CD38: variants seen among roughly 807,000 people sequenced by gnomAD.
CD38 encodes ADP-ribosyl cyclase/cyclic ADP-ribose hydrolase 1.
CD38 carries 31 observed loss-of-function variants against 36.3 expected under a neutral mutation model. That is an observed-to-expected ratio of 0.85 (90% CI 0.64 to 1.15). The LOEUF (loss-of-function observed/expected upper bound fraction) is 1.15. Ranked by LOEUF, CD38 falls within the 50% of genes most tolerant of loss-of-function variation. CD38 has a pLI of 0.00. For missense variants in CD38, 380 were observed against 371.9 expected (o/e 1.02, Z -0.18); for synonymous variants, 131 against 135.2 (o/e 0.97, Z 0.22).
chr4:15,804,945 T>A (rs1723310027), intron 1 of CD38, among the ~76,000 whole-genome samples: 1 of 152,176 alleles, frequency 6.6e-6, no homozygotes, highest in Non-Finnish European at 1.5e-5. Flanking sequence ...AAAGAAATGA[T>A]AAACCTTTGA....
intron 4 of CD38, among the ~76,000 whole-genome samples, chr4:15,835,559 G>A (rs976857849): frequency 2.0e-5 from 3 of 151,706 alleles, no homozygotes; most frequent in Non-Finnish European, 4.4e-5. Context: ...TGTATTTTCA[G>A]TAGAGACGGA....
intron 5 of CD38, among the ~76,000 whole-genome samples, chr4:15,839,595 T>C (rs1724157134): frequency 6.6e-6 from 1 of 151,716 alleles, no homozygotes; most frequent in South Asian, 2.1e-4. Context: ...AGCTAATTTT[T>C]TGTATTTTTA....
intron 1 of CD38, among the ~76,000 whole-genome samples, chr4:15,806,625 T>G (rs920068755): frequency 1.3e-5 from 2 of 152,066 alleles, no homozygotes; most frequent in African/African-American, 2.4e-5. Context: ...TCAATCCACC[T>G]TGGGTAGGTC....
At position 15,778,559 on chromosome 4, in the gene CD38, C is replaced by A. The variant is rs77549972; in HGVS notation, c.145C>A (p.Gln49Lys). 2 of 1,613,416 alleles carry A rather than the reference C, an allele frequency of 1.2e-6. No individual in the cohort carries two copies. Residue 49 changes from glutamine to lysine, a missense_variant, in exon 1 of 8, where the codon CAG (glutamine) becomes AAG (lysine). Coordinates refer to ENST00000226279, the MANE Select transcript of CD38 (RefSeq NM_001775.4). This position sits in a 1 kb window ranked among gnomAD's most constrained non-coding sequence, Gnocchi z 4.9. ...LAVVVPRWRQ[Q>K]WSGPGTTKRF... The stretch of plus-strand genomic sequence containing the variant: ...GGTGGTCGTCCCGAGGTGGCGCCAG[C>A]AGTGGAGCGGTCCGGGCACCACCAA...
chr4:15,805,956 C>G (rs1183463789), intron 1 of CD38, among the ~76,000 whole-genome samples: 3 of 152,168 alleles, frequency 2.0e-5, no homozygotes, highest in Non-Finnish European at 2.9e-5. Flanking sequence ...CCTGCAAGAT[C>G]TGAGTGCTTT....
At chr4:15,838,685 A>G (rs895735474) in intron 5 of CD38, among the ~76,000 whole-genome samples, 1 of 152,158 alleles carries the variant, frequency 6.6e-6, no homozygotes, top group Non-Finnish European at 1.5e-5. Flanking sequence ...TTTTGCAGAC[A>G]TTGTCAACAA....
chr4:15,785,829 C>A (rs1014362537), intron 1 of CD38, among the ~76,000 whole-genome samples: 5 of 152,152 alleles, frequency 3.3e-5, no homozygotes, highest in African/African-American at 1.2e-4. Context: ...TGTGGACCCT[C>A]GTGGTGAGTG....
chr4:15,797,520 T>C (rs1723127782), intron 1 of CD38, among the ~76,000 whole-genome samples: 1 of 152,242 alleles, frequency 6.6e-6, no homozygotes, highest in Admixed American at 6.5e-5. Flanking sequence ...GTGGCAGGTA[T>C]GCCATCTTCA....
intron 2 of CD38, among the ~76,000 whole-genome samples, chr4:15,820,825 A>G (rs1723715991): frequency 6.6e-6 from 1 of 152,214 alleles, no homozygotes; most frequent in South Asian, 2.1e-4. Context: ...AACTCAGCTC[A>G]GGATCAAGTG....
chr4:15,813,702 G>T (rs528284523), intron 1 of CD38, among the ~76,000 whole-genome samples: 1 of 152,064 alleles, frequency 6.6e-6, no homozygotes, highest in Non-Finnish European at 1.5e-5. Flanking sequence ...CGTGGTGTCT[G>T]GTTTTCTGTT....
At chr4:15,828,294 G>A (rs1723891374) in intron 3 of CD38, among the ~76,000 whole-genome samples, 1 of 152,174 alleles carries the variant, frequency 6.6e-6, no homozygotes, top group Non-Finnish European at 1.5e-5. Flanking sequence ...GGGATTACAG[G>A]TGTGAGCCAC....
At chr4:15,842,368 A>G (rs1194881649) in intron 7 of CD38, among the ~76,000 whole-genome samples, 2 of 112,738 alleles carry the variant, frequency 1.8e-5, no homozygotes, top group Non-Finnish European at 3.6e-5. Context: ...TAGAAGGAAA[A>G]CTAACAACCA....
At chr4:15,789,687 C>T (rs187130076) in intron 1 of CD38, among the ~76,000 whole-genome samples, 90 of 152,022 alleles carry the variant, frequency 5.9e-4, no homozygotes, top group Admixed American at 3.1e-3. Flanking sequence ...CTGATTAATA[C>T]GCTAATGGGT....
intron 1 of CD38, among the ~76,000 whole-genome samples, chr4:15,784,466 G>A (rs1326298167): frequency 6.6e-6 from 1 of 152,138 alleles, no homozygotes; most frequent in African/African-American, 2.4e-5. Flanking sequence ...AAAGGTTTGG[G>A]GATCTTGGGG....
In CD38 at chr4:15,838,214, C is replaced by G. The variant is rs751660224; in HGVS notation, c.659+49C>G. ...TTTGCAAGTATCCTGTTGCAAATAT[C>G]ACAGTGAATATTTCATCTCTAGAAA... On this transcript the variant is annotated intron_variant, in intron 5 of 7. Coordinates refer to ENST00000226279, the MANE Select transcript of CD38 (RefSeq NM_001775.4). 12 of 1,270,500 alleles carry G rather than the reference C, an allele frequency of 9.4e-6. No individual in the cohort carries two copies. In the East Asian group the frequency reaches 2.8e-4, roughly 29 times the overall value. The allele number at this position is 1,270,500 out of a possible 1,614,324, so 78.7% of individuals were successfully genotyped here. A position where few individuals can be genotyped will look rare whatever the true frequency, so the allele number is the denominator to read the frequency against.
At chr4:15,839,415 C>CTTTTTTTT (rs560134404) in intron 5 of CD38, among the ~76,000 whole-genome samples, 5 of 88,070 alleles carry the variant, frequency 5.7e-5, no homozygotes, top group African/African-American at 5.0e-5. Flanking sequence ...TTCTACATTT[C>CTTTTTTTT]TTTTTTTTTT....
Position 15,778,599 on chromosome 4 carries a change from C to T in CD38, c.185C>T (p.Thr62Ile), listed in dbSNP as rs200465374. The change falls in exon 1 of 8, where the codon ACC becomes ATC. Residue 62 changes from threonine to isoleucine, a missense_variant. Transcript: ENST00000226279. This position sits in a 1 kb window ranked among gnomAD's most constrained non-coding sequence, Gnocchi z 4.9. ...GPGTTKRFPE[T>I]VLARCVKYTE... is the part of the protein sequence containing the mutation. ...GGCACCACCAAGCGCTTTCCCGAGACCGTCCTGGCGCGATGCGTCAAGTAC... is the reference window on the plus strand; with the variant it reads ...GGCACCACCAAGCGCTTTCCCGAGATCGTCCTGGCGCGATGCGTCAAGTAC... The T allele has an allele frequency of 9.1e-5, 147 of 1,613,672 alleles. No homozygotes were observed. Among genetic ancestry groups the T allele is most frequent in the Non-Finnish European group, 1.2e-4 (141 of 1,179,986 alleles).
chr4:15,848,698 G>T lies in CD38; in HGVS notation c.*96G>T. 1.0e-6 allele frequency: 1 copy of T among 996,138 alleles called. No individual in the cohort carries two copies. The allele number at this position is 996,138 out of a possible 1,614,324, so 61.7% of individuals were successfully genotyped here. A position where few individuals can be genotyped will look rare whatever the true frequency, so the allele number is the denominator to read the frequency against. On this transcript the variant is annotated 3_prime_UTR_variant, in exon 8 of 8. Coordinates refer to ENST00000226279, the MANE Select transcript of CD38 (RefSeq NM_001775.4). ...CTGCTGGTGCAGAGCTGAAGATTTTGGAGGGTCCTCCACAATAAGGTCAAT... is the reference window on the plus strand; with the variant it reads ...CTGCTGGTGCAGAGCTGAAGATTTTTGAGGGTCCTCCACAATAAGGTCAAT...
intron 1 of CD38, among the ~76,000 whole-genome samples, chr4:15,785,162 G>T (rs1228183330): frequency 1.3e-5 from 2 of 152,238 alleles, no homozygotes; most frequent in South Asian, 4.1e-4. Flanking sequence ...TACAAATGGG[G>T]AAGTGAGACT....
Sources: gnomAD v4.1 joint callset for allele counts (sites outside exome capture counted in the v4.1 genomes callset) on GRCh38, gnomAD v4.1.1 for gene constraint, Gnocchi (gnomAD v3.1) non-coding constraint, MANE v1.5 for transcripts, NCBI Gene and HGNC (gene_info 2026-07-23, HGNC 2026-07-21) for gene names.